MACROD2: variants seen among roughly 807,000 people sequenced by gnomAD.
MACROD2 encodes mono-ADP ribosylhydrolase 2.
MACROD2 carries 36 observed loss-of-function variants against 70.4 expected under a neutral mutation model. That is an observed-to-expected ratio of 0.51 (90% CI 0.39 to 0.68). The LOEUF (loss-of-function observed/expected upper bound fraction) is 0.68, where lower values mean the gene tolerates loss of function less well. MACROD2 is among the 30% of genes least tolerant of loss of function. The probability of loss-of-function intolerance (pLI) is 0.00; values close to 1 mark genes in which losing one functional copy is unlikely to be tolerated. For missense variants in MACROD2, 496 were observed against 538.4 expected, an observed-to-expected ratio of 0.92 and a Z score of 0.78; for synonymous variants, 172 against 178.8, an observed-to-expected ratio of 0.96 and a Z score of 0.30.
intron 6 of MACROD2, among the ~76,000 whole-genome samples, chr20:15,368,951 T>G (rs368635033): frequency 1.3e-5 from 2 of 152,180 alleles, no homozygotes; most frequent in African/African-American, 2.4e-5. Flanking sequence ...GCCTGATGAG[T>G]TGATTAATCT....
intron 3 of MACROD2, among the ~76,000 whole-genome samples, chr20:14,356,671 G>A (rs1232244462): frequency 6.6e-6 from 1 of 151,808 alleles, no homozygotes; most frequent in Non-Finnish European, 1.5e-5. Context: ...TGCCTGGCTA[G>A]TTTTTATATT....
intron 3 of MACROD2, among the ~76,000 whole-genome samples, chr20:14,181,256 T>C (rs1473658348): frequency 6.6e-6 from 1 of 151,558 alleles, no homozygotes; most frequent in African/African-American, 2.4e-5. Flanking sequence ...TTTGTTGAAA[T>C]GGGATCTCAT....
intron 5 of MACROD2, among the ~76,000 whole-genome samples, chr20:14,848,738 G>T (rs2073168729): frequency 6.6e-6 from 1 of 152,056 alleles, no homozygotes; most frequent in African/African-American, 2.4e-5. Flanking sequence ...GGCATTTCCT[G>T]GGAGCTGACA....
chr20:15,193,950 A>G (rs1435380095), intron 5 of MACROD2, among the ~76,000 whole-genome samples: 1 of 151,840 alleles, frequency 6.6e-6, no homozygotes, highest in East Asian at 1.9e-4. Context: ...TGAAAGTTTA[A>G]AAGAAATCAG....
intron 7 of MACROD2, among the ~76,000 whole-genome samples, chr20:15,481,611 A>G (rs183730094): frequency 6.0e-4 from 90 of 150,750 alleles, no homozygotes; most frequent in Non-Finnish European, 1.2e-3. Flanking sequence ...TATTATGGTT[A>G]TAAAAGAAAA....
intron 5 of MACROD2, among the ~76,000 whole-genome samples, chr20:14,965,471 T>TTTTTTTTTTC: frequency 7.4e-6 from 1 of 135,772 alleles, no homozygotes; most frequent in Non-Finnish European, 1.6e-5. Context: ...TTTTTTTTTT[T>TTTTTTTTTTC]TTTTTTTGAG....
intron 4 of MACROD2, among the ~76,000 whole-genome samples, chr20:14,623,921 CAGGG>C (rs1983983385): frequency 6.6e-6 from 1 of 152,194 alleles, no homozygotes; most frequent in Admixed American, 6.5e-5. Flanking sequence ...CTCATCTTAT[CAGGG>C]AGGAGGAACA....
chr20:14,055,208 A>G (rs947463228), intron 2 of MACROD2, among the ~76,000 whole-genome samples: 1 of 152,186 alleles, frequency 6.6e-6, no homozygotes, highest in African/African-American at 2.4e-5. Context: ...TAAACATGAA[A>G]TAATGTTTTA....
At chr20:15,371,772 G>A (rs2045497761) in intron 6 of MACROD2, among the ~76,000 whole-genome samples, 1 of 152,082 alleles carries the variant, frequency 6.6e-6, no homozygotes, top group Non-Finnish European at 1.5e-5. Flanking sequence ...TTATTGAATA[G>A]TTAATAAAAG....
In MACROD2 at chr20:16,031,410, G is replaced by A. The variant is rs540690391; in HGVS notation, c.1154-9791G>A. 7.9e-5 allele frequency among the ~76,000 whole-genome samples: 12 copies of A among 152,172 alleles called. No homozygotes were observed. In the South Asian group the frequency reaches 2.5e-3, roughly 32 times the overall value. On this transcript the variant is annotated intron_variant, in intron 15 of 17. Transcript: ENST00000684519. ...CTGATTGATCTGACCTTTTTGGAAG[G>A]AAATTTTGTAACATCTATGAAGATT...
intron 3 of MACROD2, among the ~76,000 whole-genome samples, chr20:14,348,622 T>G (rs1051576882): frequency 1.3e-5 from 2 of 152,172 alleles, no homozygotes; most frequent in Non-Finnish European, 2.9e-5. Context: ...CAAGGAATGA[T>G]TTTTGGTGGA....
chr20:15,860,905 G>A (rs577826656), intron 8 of MACROD2, among the ~76,000 whole-genome samples: 1 of 152,232 alleles, frequency 6.6e-6, no homozygotes, highest in South Asian at 2.1e-4. Flanking sequence ...TCCACTGAAG[G>A]GGCATGAAGG....
rs1379537216 is a variant in MACROD2 at position 14,550,695 on chromosome 20, T to C, written c.301+57187T>C. ...AAAGAAACATAAGGGCTTTGGACTC[T>C]AAATTCACAAAAGCAGCATTTATAG... On this transcript the variant is annotated intron_variant, in intron 4 of 17. Coordinates refer to ENST00000684519, the MANE Select transcript of MACROD2 (RefSeq NM_001351661.2). Among the ~76,000 whole-genome samples, 3 of 152,346 alleles carry C rather than the reference T, an allele frequency of 2.0e-5. No individual in the cohort carries two copies. The East Asian group carries it at 5.8e-4, about 29-fold the overall frequency.
chr20:14,081,823 G>GTA (rs2053998641), intron 2 of MACROD2, among the ~76,000 whole-genome samples: 3 of 152,156 alleles, frequency 2.0e-5, no homozygotes, highest in Non-Finnish European at 2.9e-5. Flanking sequence ...TAGCCTTTAA[G>GTA]TATGTACATA....
rs2084627891 is a variant in MACROD2, at chr20:14,478,801, T to TGGG, written c.272-14678_272-14677insGGG. Among the ~76,000 whole-genome samples, 3 of 152,208 alleles carry TGGG rather than the reference T, an allele frequency of 2.0e-5. No individual in the cohort carries two copies. The South Asian group carries it at 6.2e-4, about 32-fold the overall frequency. On this transcript the variant is annotated intron_variant, in intron 3 of 17. Transcript: ENST00000684519. Reference sequence around the variant, plus strand: ...GGTCCTAGCCTACTTTAGTGGGCAGTAGTTCTAAGGACAATTTAATTTTCC... The same window carrying TGGG: ...GGTCCTAGCCTACTTTAGTGGGCAGTGGGAGTTCTAAGGACAATTTAATTTTCC...
At chr20:15,928,514 A>T (rs181797933) in intron 10 of MACROD2, among the ~76,000 whole-genome samples, 14 of 152,342 alleles carry the variant, frequency 9.2e-5, no homozygotes, top group Non-Finnish European at 1.8e-4. Flanking sequence ...GTAGGCCCCA[A>T]CATCAGCTAA....
chr20:14,601,086 A>T (rs1325799865), intron 4 of MACROD2, among the ~76,000 whole-genome samples: 1 of 151,612 alleles, frequency 6.6e-6, no homozygotes, highest in Non-Finnish European at 1.5e-5. Flanking sequence ...TAAATCACAT[A>T]ATATATATAT....
intron 5 of MACROD2, among the ~76,000 whole-genome samples, chr20:14,787,728 C>T (rs76922421): frequency 0.068 from 10,327 of 152,130 alleles, 470 homozygotes; most frequent in East Asian, 0.17. Context: ...TATTCCTTTC[C>T]AGAACACCAT....
chr20:14,478,477 G>T (rs1418388833), intron 3 of MACROD2, among the ~76,000 whole-genome samples: 6 of 151,930 alleles, frequency 3.9e-5, no homozygotes, highest in African/African-American at 1.5e-4. Flanking sequence ...TTTTTTCTTT[G>T]TGTTTAGTTT....
Sources: gnomAD v4.1 joint callset for allele counts (sites outside exome capture counted in the v4.1 genomes callset) on GRCh38, gnomAD v4.1.1 for gene constraint, MANE v1.5 for transcripts, NCBI Gene and HGNC (gene_info 2026-07-23, HGNC 2026-07-21) for gene names.